Variants in ZNF385D observed in about 807,000 individuals in gnomAD.
The protein encoded by ZNF385D is zinc finger protein 385D, also known as zinc finger protein 659.
A neutral mutation model predicts 35.8 loss-of-function variants in ZNF385D; 15 were observed. The ratio of observed to expected loss-of-function variants is 0.42; its 90% CI spans 0.28 to 0.64. ZNF385D has a LOEUF of 0.64. ZNF385D is among the 30% of genes least tolerant of loss of function. The probability of loss-of-function intolerance (pLI) is 0.23; values close to 1 mark genes in which losing one functional copy is unlikely to be tolerated. For synonymous variants in ZNF385D, 212 were observed against 186.8 expected (o/e 1.13, Z -1.10); for missense variants, 474 against 494.6 (o/e 0.96, Z 0.39).
chr3:22,183,063 A>G (rs1695392184), intron 2 of ZNF385D, among the ~76,000 whole-genome samples: 1 of 152,108 alleles, frequency 6.6e-6, no homozygotes. Flanking sequence ...GCCTTAATAA[A>G]AGTCTTAAAG....
chr3:21,657,576 G>A (rs1334207200), intron 2 of ZNF385D, among the ~76,000 whole-genome samples: 1 of 151,918 alleles, frequency 6.6e-6, no homozygotes, highest in Non-Finnish European at 1.5e-5. Context: ...GAACTAGAGA[G>A]CAATCTGCTA....
At chr3:21,819,178 G>A (rs1461611102) in intron 3 of ZNF385D, among the ~76,000 whole-genome samples, 1 of 151,108 alleles carries the variant, frequency 6.6e-6, no homozygotes, top group African/African-American at 2.4e-5. Flanking sequence ...CAAGAAAGAA[G>A]GCAAAAATAG....
chr3:21,522,300 A>G (rs1707957601), intron 3 of ZNF385D, among the ~76,000 whole-genome samples: 1 of 152,162 alleles, frequency 6.6e-6, no homozygotes, highest in South Asian at 2.1e-4. Context: ...CCAGACTTAG[A>G]AAAATATTTG....
intron 3 of ZNF385D, among the ~76,000 whole-genome samples, chr3:22,045,595 G>A (rs74898212): frequency 6.6e-5 from 10 of 152,046 alleles, no homozygotes; most frequent in East Asian, 1.9e-4. Context: ...AACAGCACCC[G>A]CATAGTGTAG....
chr3:21,973,621 G>A lies in ZNF385D; in HGVS notation c.325+195196C>T, dbSNP rs184865544. On this transcript the variant is annotated intron_variant, in intron 3 of 5. Transcript: ENST00000494108. ...GGCCATCTAAATTGGAAAGGAAAAG[G>A]AAAGAAGTAAAATTATCCTTGTTTG... Among the ~76,000 whole-genome samples, 77 of 151,922 alleles carry A rather than the reference G, an allele frequency of 5.1e-4. 1 individual carries two copies. Among genetic ancestry groups the A allele is most frequent in the Admixed American group, 5.2e-4 (8 of 15,252 alleles).
intron 3 of ZNF385D, among the ~76,000 whole-genome samples, chr3:21,876,932 G>A (rs796493631): frequency 6.6e-6 from 1 of 152,068 alleles, no homozygotes; most frequent in African/African-American, 2.4e-5. Flanking sequence ...CCATTAAGCA[G>A]AGAAGCACTT....
chr3:21,794,702 G>T (rs921326821), intron 3 of ZNF385D, among the ~76,000 whole-genome samples: 1 of 152,096 alleles, frequency 6.6e-6, no homozygotes, highest in East Asian at 1.9e-4. Context: ...CATCCAGGAG[G>T]CGATTACATT....
chr3:21,924,689 C>A (rs1336261960), intron 3 of ZNF385D, among the ~76,000 whole-genome samples: 3 of 152,120 alleles, frequency 2.0e-5, no homozygotes, highest in African/African-American at 4.8e-5. Context: ...AGTAATAAGG[C>A]CCTACCTCCA....
At chr3:21,468,401 CAA>C (rs1175784477) in intron 4 of ZNF385D, among the ~76,000 whole-genome samples, 1,081 of 72,598 alleles carry the variant, frequency 0.015, 12 homozygotes, top group African/African-American at 0.057. Context: ...GACACTGTCT[CAA>C]AAAAAAAAAA....
intron 3 of ZNF385D, among the ~76,000 whole-genome samples, chr3:22,147,229 T>A (rs1014846979): frequency 1.3e-4 from 20 of 152,214 alleles, no homozygotes; most frequent in African/African-American, 4.8e-4. Flanking sequence ...CTAAACCATT[T>A]CATTCTCTCC....
intron 3 of ZNF385D, among the ~76,000 whole-genome samples, chr3:21,885,807 G>A (rs1164380858): frequency 6.7e-6 from 1 of 149,926 alleles, no homozygotes; most frequent in African/African-American, 2.4e-5. Flanking sequence ...TTTATTTAAA[G>A]AAATTGGCTC....
At chr3:21,969,966 T>G (rs1703144970) in intron 3 of ZNF385D, among the ~76,000 whole-genome samples, 1 of 152,102 alleles carries the variant, frequency 6.6e-6, no homozygotes, top group Admixed American at 6.5e-5. Flanking sequence ...CAATCCAGTA[T>G]CTCTATAAGT....
intron 2 of ZNF385D, among the ~76,000 whole-genome samples, chr3:22,207,385 C>T (rs758413610): frequency 9.9e-5 from 15 of 151,824 alleles, no homozygotes; most frequent in Non-Finnish European, 1.6e-4. Context: ...AAACTGGACA[C>T]GCATATGCAG....
intron 3 of ZNF385D, among the ~76,000 whole-genome samples, chr3:21,534,376 T>C (rs1319847673): frequency 1.3e-5 from 2 of 152,060 alleles, no homozygotes; most frequent in Admixed American, 1.3e-4. Flanking sequence ...AGACGTCTAC[T>C]GTAGCTGACT....
At chr3:21,917,265 C>G (rs557920135) in intron 3 of ZNF385D, among the ~76,000 whole-genome samples, 96 of 152,222 alleles carry the variant, frequency 6.3e-4, no homozygotes, top group South Asian at 2.3e-3. Flanking sequence ...AACCTGGTCT[C>G]TGCTAAAAAT....
chr3:22,172,827 ATAACT>A (rs1694554220), intron 2 of ZNF385D, among the ~76,000 whole-genome samples: 1 of 152,226 alleles, frequency 6.6e-6, no homozygotes, highest in Non-Finnish European at 1.5e-5. Context: ...AGTATTCCAA[ATAACT>A]TAAATAGACA....
intron 3 of ZNF385D, among the ~76,000 whole-genome samples, chr3:22,165,302 A>C (rs1359469613): frequency 1.3e-5 from 2 of 152,190 alleles, no homozygotes; most frequent in African/African-American, 4.8e-5. Context: ...CTTGAACACG[A>C]AACTATTCTT....
chr3:21,875,307 C>T (rs1697907725), intron 3 of ZNF385D, among the ~76,000 whole-genome samples: 1 of 151,864 alleles, frequency 6.6e-6, no homozygotes, highest in African/African-American at 2.4e-5. Flanking sequence ...GTTGCAAAAT[C>T]TTCCACTGTT....
chr3:21,981,081 A>G (rs992493299), intron 3 of ZNF385D, among the ~76,000 whole-genome samples: 31 of 152,088 alleles, frequency 2.0e-4, no homozygotes, highest in African/African-American at 7.5e-4. Context: ...GGGTATATAC[A>G]TAATAATAGG....
Sources: gnomAD v4.1 joint callset for allele counts (sites outside exome capture counted in the v4.1 genomes callset) on GRCh38, gnomAD v4.1.1 for gene constraint, MANE v1.5 for transcripts, NCBI Gene and HGNC (gene_info 2026-07-23, HGNC 2026-07-21) for gene names.